SUCLG2: variants seen among roughly 807,000 people sequenced by gnomAD.
The protein encoded by SUCLG2 is succinate-CoA ligase GDP-forming subunit beta, also known as succinate--CoA ligase [GDP-forming] subunit beta, mitochondrial.
In SUCLG2, 42 loss-of-function variants were observed where a neutral mutation model predicts 47.9. That is an observed-to-expected ratio of 0.88 (90% confidence interval 0.69 to 1.14). The LOEUF (loss-of-function observed/expected upper bound fraction) is 1.14, where lower values mean the gene tolerates loss of function less well. SUCLG2 is among the 50% of genes most tolerant of loss of function. The probability of loss-of-function intolerance (pLI) is 0.00; values close to 1 mark genes in which losing one functional copy is unlikely to be tolerated. For synonymous variants in SUCLG2, 195 were observed against 197.3 expected, an observed-to-expected ratio of 0.99 and a Z score of 0.10; for missense variants, 571 against 525.9, an observed-to-expected ratio of 1.09 and a Z score of -0.84.
chr3:67,559,727 T>G (rs1396565752), intron 2 of SUCLG2, among the ~76,000 whole-genome samples: 2 of 152,148 alleles, frequency 1.3e-5, no homozygotes, highest in African/African-American at 2.4e-5. Flanking sequence ...CAATAAAAAT[T>G]ATAATGGCAG....
At chr3:67,606,666 T>C (rs535050099) in intron 2 of SUCLG2, among the ~76,000 whole-genome samples, 1 of 152,308 alleles carries the variant, frequency 6.6e-6, no homozygotes, top group East Asian at 1.9e-4. Context: ...ACTGGGATTT[T>C]TTCACAGTAA....
At chr3:67,605,413 TG>T (rs535141684) in intron 2 of SUCLG2, among the ~76,000 whole-genome samples, 1 of 152,284 alleles carries the variant, frequency 6.6e-6, no homozygotes, top group South Asian at 2.1e-4. Flanking sequence ...CAACTAGAAT[TG>T]GTTCCATATC....
At position 67,441,129 on chromosome 3, in the gene SUCLG2, GAA is replaced by G. The variant is rs368160767; in HGVS notation, c.1063-40280_1063-40279del. Among the ~76,000 whole-genome samples the G allele has an allele frequency of 5.9e-4, 89 of 152,076 alleles. 3 individuals are homozygous for G. In the East Asian group the frequency reaches 0.016, roughly 28 times the overall value. ...TTCTCAGCAAACTAACACAGGAACA[GAA>G]AACTAAACACTGCATGTTCTCACTC... is the stretch of plus-strand genomic sequence containing the variant. On this transcript the variant is annotated intron_variant, in intron 9 of 10. Transcript: ENST00000307227.
chr3:67,518,269 A>G lies in SUCLG2; in HGVS notation c.638T>C (p.Phe213Ser), dbSNP rs1198896106. 6.2e-7 allele frequency: 1 copy of G among 1,612,582 alleles called. No homozygotes were observed. ...TACCTGGCTTTTCAAAGGCCCAACG[A>G]AGCCTAGATTTTCGGCCATCCGCTG... ...QAQRMAENLGFVGPLKSQAAD... is the reference protein window; with the variant it reads ...QAQRMAENLGSVGPLKSQAAD... The change falls in exon 6 of 11, where the codon TTC becomes TCC. Residue 213 changes from phenylalanine (F) to serine (S), a missense_variant. Coordinates refer to ENST00000307227, the MANE Select transcript of SUCLG2 (RefSeq NM_003848.4).
chr3:67,576,337 A>AT (rs1707741122), intron 2 of SUCLG2, among the ~76,000 whole-genome samples: 1 of 152,140 alleles, frequency 6.6e-6, no homozygotes, highest in Non-Finnish European at 1.5e-5. Flanking sequence ...CCATGGTAGG[A>AT]TTTGTATAAA....
At chr3:67,626,077 T>A (rs1700823985) in intron 1 of SUCLG2, among the ~76,000 whole-genome samples, 1 of 151,702 alleles carries the variant, frequency 6.6e-6, no homozygotes, top group Non-Finnish European at 1.5e-5. Context: ...TGGAGTGCAG[T>A]GGCGCCATCT....
chr3:67,426,197 A>G (rs2106872105), intron 9 of SUCLG2, among the ~76,000 whole-genome samples: 1 of 152,338 alleles, frequency 6.6e-6, no homozygotes, highest in African/African-American at 2.4e-5. Context: ...CAAGCAAACA[A>G]TAACAAAATC....
At chr3:67,619,705 C>G (rs1357684153) in intron 1 of SUCLG2, among the ~76,000 whole-genome samples, 1 of 152,058 alleles carries the variant, frequency 6.6e-6, no homozygotes, top group Non-Finnish European at 1.5e-5. Flanking sequence ...TTTTAAGGAG[C>G]AAAGAAATGT....
intron 9 of SUCLG2, among the ~76,000 whole-genome samples, chr3:67,433,404 T>A (rs886167508): frequency 1.3e-5 from 2 of 152,158 alleles, no homozygotes; most frequent in Non-Finnish European, 2.9e-5. Flanking sequence ...ACCAATTTTA[T>A]TCAGGGAAAC....
At chr3:67,563,944 A>G (rs1707380831) in intron 2 of SUCLG2, among the ~76,000 whole-genome samples, 1 of 141,012 alleles carries the variant, frequency 7.1e-6, no homozygotes, top group African/African-American at 2.7e-5. Context: ...TGGACAACAG[A>G]GTGAGACTCT....
intron 10 of SUCLG2, among the ~76,000 whole-genome samples, chr3:67,391,917 T>C (rs1169565631): frequency 6.6e-6 from 1 of 152,136 alleles, no homozygotes; most frequent in Non-Finnish European, 1.5e-5. Context: ...CCTTGCAAGG[T>C]AAGATGGACC....
chr3:67,552,126 G>C (rs974747222), intron 2 of SUCLG2, among the ~76,000 whole-genome samples: 1 of 108,642 alleles, frequency 9.2e-6, no homozygotes, highest in Non-Finnish European at 1.8e-5. Context: ...TTAAAATGGA[G>C]AAAACACTTG....
intron 10 of SUCLG2, chr3:67,376,541 T>G (rs760692661): frequency 2.1e-6 from 2 of 956,726 alleles, no homozygotes; most frequent in Non-Finnish European, 2.5e-6. Flanking sequence ...AAGTGTCTAA[T>G]GAAATATCTC....
chr3:67,652,305 G>C (rs2107390514), intron 1 of SUCLG2, among the ~76,000 whole-genome samples: 1 of 152,292 alleles, frequency 6.6e-6, no homozygotes, highest in South Asian at 2.1e-4. Context: ...AGCAGAAACT[G>C]GGTCTTTTAT....
chr3:67,398,052 A>G lies in SUCLG2; in HGVS notation c.1183+2679T>C, dbSNP rs1369217110. 1.3e-5 allele frequency among the ~76,000 whole-genome samples: 2 copies of G among 150,484 alleles called. 1 individual carries two copies. Among genetic ancestry groups the G allele is most frequent in the Admixed American group, 1.3e-4 (2 of 15,046 alleles). On this transcript the variant is annotated intron_variant, in intron 10 of 10. Transcript: ENST00000307227. ...GATTAAAGACTTAAATGTTAGAACT[A>G]AAACCATAAAAACCCTAGAAGAAAA...
intron 9 of SUCLG2, among the ~76,000 whole-genome samples, chr3:67,441,382 C>G (rs1208905016): frequency 2.6e-5 from 4 of 151,610 alleles, no homozygotes; most frequent in African/African-American, 9.7e-5. Flanking sequence ...AAAAAAAAGA[C>G]TGTGGCTTCA....
intron 9 of SUCLG2, among the ~76,000 whole-genome samples, chr3:67,468,023 C>T (rs1284347829): frequency 6.6e-6 from 1 of 152,124 alleles, no homozygotes; most frequent in Non-Finnish European, 1.5e-5. Context: ...ATGAGTGCTA[C>T]AAGAGGGGCA....
chr3:67,419,302 G>A (rs953520561), intron 9 of SUCLG2, among the ~76,000 whole-genome samples: 1 of 152,046 alleles, frequency 6.6e-6, no homozygotes, highest in African/African-American at 2.4e-5. Context: ...ATGTTATCTC[G>A]GTCTCTCCTG....
intron 1 of SUCLG2, among the ~76,000 whole-genome samples, chr3:67,638,399 T>A (rs143389657): frequency 1.3e-5 from 2 of 152,160 alleles, no homozygotes; most frequent in Non-Finnish European, 2.9e-5. Context: ...ATTTCCAGAT[T>A]GTAGCTACAC....
Sources: allele counts gnomAD v4.1 joint callset (sites outside exome capture counted in the v4.1 genomes callset), GRCh38; gene constraint gnomAD v4.1.1; transcripts MANE v1.5; gene names NCBI Gene and HGNC (gene_info 2026-07-23, HGNC 2026-07-21).